Variants in OCA2 observed in about 807,000 individuals in gnomAD.
OCA2 encodes P protein.
A neutral mutation model predicts 100.2 loss-of-function variants in OCA2; 77 were observed. The observed-to-expected ratio is 0.77, with a 90% CI of 0.64 to 0.93. The LOEUF (loss-of-function observed/expected upper bound fraction) is 0.93, where lower values mean the gene tolerates loss of function less well. Ranked by LOEUF, OCA2 falls within the 40% of genes least tolerant of loss-of-function variation. The pLI, the probability that OCA2 is intolerant of heterozygous loss-of-function variation, is 0.00. For synonymous variants in OCA2, 432 were observed against 439.2 expected, an observed-to-expected ratio of 0.98 and a Z score of 0.21; for missense variants, 1,062 against 1,089.1, an observed-to-expected ratio of 0.98 and a Z score of 0.35.
intron 9 of OCA2, among the ~76,000 whole-genome samples, chr15:27,996,778 T>A (rs891917324): frequency 8.6e-5 from 13 of 151,824 alleles, no homozygotes; most frequent in African/African-American, 3.1e-4. Flanking sequence ...CAATAAGAAG[T>A]AAGAAGATTG....
the OCA2 span, among the ~76,000 whole-genome samples, chr15:27,740,500 A>C: frequency 6.6e-6 from 1 of 152,172 alleles, no homozygotes; most frequent in Admixed American, 6.5e-5. Context: ...GAGAAGAAGA[A>C]GGAGAGGTGA....
chr15:28,070,649 C>T (rs1462118873), intron 2 of OCA2, among the ~76,000 whole-genome samples: 10 of 147,722 alleles, frequency 6.8e-5, no homozygotes, highest in East Asian at 2.1e-4. Context: ...GCCACCACCC[C>T]GTCTGGGAGG....
chr15:27,958,304 A>C lies in OCA2; in HGVS notation c.1637-569T>G, dbSNP rs112028028. 8.6e-3 allele frequency among the ~76,000 whole-genome samples: 1,307 copies of C among 152,278 alleles called. 26 individuals are homozygous for C. The highest frequency in any genetic ancestry group is 0.029 in the African/African-American group (1,220 of 41,540). On this transcript the variant is annotated intron_variant, in intron 15 of 23. Transcript: ENST00000354638. ...CACATCAAAGCTAGCACCCAACAAC[A>C]TTTCCCCTTCTTGCAGGAAATATTT...
intron 23 of OCA2, among the ~76,000 whole-genome samples, chr15:27,829,797 G>T (rs538545194): frequency 1.6e-4 from 25 of 152,348 alleles, no homozygotes; most frequent in African/African-American, 6.0e-4. Flanking sequence ...GGCTGGTGCA[G>T]AAGATAGATA....
the OCA2 span, among the ~76,000 whole-genome samples, chr15:27,746,354 G>A: frequency 1.4e-4 from 21 of 152,078 alleles, no homozygotes; most frequent in African/African-American, 4.6e-4. Flanking sequence ...CCAGCTACTC[G>A]GGAGGCTGAA....
intron 2 of OCA2, among the ~76,000 whole-genome samples, chr15:28,073,133 G>A (rs1005880243): frequency 8.5e-5 from 13 of 152,156 alleles, no homozygotes; most frequent in African/African-American, 2.9e-4. Flanking sequence ...AGTAAAATCC[G>A]CAGGGCACGG....
chr15:27,788,675 G>A (rs1042941124), intron 23 of OCA2, among the ~76,000 whole-genome samples: 3 of 152,042 alleles, frequency 2.0e-5, no homozygotes, highest in Admixed American at 1.3e-4. Flanking sequence ...GTAAATCTAT[G>A]CAATTTAATT....
At chr15:28,014,968 A>G in intron 8 of OCA2, 39 bp from the exon 9 acceptor site, 1 of 1,607,684 alleles carries the variant, frequency 6.2e-7, no homozygotes, top group African/African-American at 1.3e-5. Flanking sequence ...TCACAAGGTC[A>G]ACAGTTAGGG....
intron 23 of OCA2, among the ~76,000 whole-genome samples, chr15:27,826,114 C>A (rs1017125829): frequency 1.3e-5 from 2 of 152,160 alleles, no homozygotes; most frequent in Non-Finnish European, 2.9e-5. Context: ...GGAAACTGGG[C>A]TACAGTCCAC....
chr15:27,838,822 C>T (rs536615967), intron 23 of OCA2, among the ~76,000 whole-genome samples: 6 of 152,224 alleles, frequency 3.9e-5, no homozygotes, highest in South Asian at 2.1e-4. Context: ...GGATGTAGAA[C>T]GCAGCTTTAA....
At chr15:27,941,149 T>C (rs2039632629) in intron 18 of OCA2, among the ~76,000 whole-genome samples, 2 of 152,194 alleles carry the variant, frequency 1.3e-5, no homozygotes, top group South Asian at 4.1e-4. Flanking sequence ...GGGGAAAATA[T>C]AATTTACATA....
At chr15:28,058,913 C>A (rs183633969) in intron 2 of OCA2, among the ~76,000 whole-genome samples, 1 of 152,256 alleles carries the variant, frequency 6.6e-6, no homozygotes, top group African/African-American at 2.4e-5. Context: ...TCCCTGCTCC[C>A]AGAAGTCCTG....
intron 9 of OCA2, among the ~76,000 whole-genome samples, chr15:27,996,293 G>T (rs146087700): frequency 1.7e-3 from 262 of 152,258 alleles, no homozygotes; most frequent in African/African-American, 6.1e-3. Flanking sequence ...CTGATTGGAT[G>T]ACACTACAGT....
chr15:27,754,465 G>C (rs2030188677), downstream of OCA2, among the ~76,000 whole-genome samples: 1 of 152,182 alleles, frequency 6.6e-6, no homozygotes, highest in South Asian at 2.1e-4. Context: ...CTGAAGAAGG[G>C]CTTCTTCCTC....
chr15:27,865,595 G>A (rs2036290350), intron 21 of OCA2, among the ~76,000 whole-genome samples: 1 of 152,310 alleles, frequency 6.6e-6, no homozygotes, highest in African/African-American at 2.4e-5. Context: ...CCTGAACACT[G>A]AGCAGGCCTC....
intron 23 of OCA2, among the ~76,000 whole-genome samples, chr15:27,797,046 C>T (rs1330801456): frequency 6.6e-6 from 1 of 152,174 alleles, no homozygotes; most frequent in Non-Finnish European, 1.5e-5. Context: ...CCTGGAGTCA[C>T]AGAACACAGC....
intron 23 of OCA2, among the ~76,000 whole-genome samples, chr15:27,839,244 A>G (rs1446298145): frequency 3.3e-5 from 5 of 152,226 alleles, no homozygotes; most frequent in Non-Finnish European, 7.3e-5. Flanking sequence ...AGATCAAAAT[A>G]CAAATCTTTC....
intron 21 of OCA2, among the ~76,000 whole-genome samples, 171 bp downstream of exon 21, chr15:27,870,983 C>A (rs1031521366): frequency 5.9e-5 from 9 of 152,094 alleles, no homozygotes; most frequent in Admixed American, 5.2e-4. Flanking sequence ...GCAGTCTGGG[C>A]TCTCGGCACT....
At chr15:27,939,412 A>G (rs2039568340) in intron 18 of OCA2, among the ~76,000 whole-genome samples, 1 of 152,200 alleles carries the variant, frequency 6.6e-6, no homozygotes, top group African/African-American at 2.4e-5. Flanking sequence ...TAAAATATGA[A>G]TATTATGCTC....
Sources: gnomAD v4.1 joint callset for allele counts (sites outside exome capture counted in the v4.1 genomes callset) on GRCh38, gnomAD v4.1.1 for gene constraint, MANE v1.5 for transcripts, NCBI Gene and HGNC (gene_info 2026-07-23, HGNC 2026-07-21) for gene names.